Variants in CDH8 observed in about 807,000 individuals in gnomAD.
CDH8 encodes the protein cadherin 8, also known as cadherin-8.
CDH8 carries 17 observed loss-of-function variants against 68.1 expected under a neutral mutation model. The ratio of observed to expected loss-of-function variants is 0.25; its 90% CI spans 0.17 to 0.37. The LOEUF (loss-of-function observed/expected upper bound fraction) is 0.37, where lower values mean the gene tolerates loss of function less well. Ranked by LOEUF, CDH8 falls within the 10% of genes least tolerant of loss-of-function variation. CDH8 has a pLI of 1.00. For missense variants in CDH8, 763 were observed against 999.3 expected (o/e 0.76, Z 3.19); for synonymous variants, 372 against 365.1 (o/e 1.02, Z -0.21).
At chr16:61,793,103 T>C (rs1359882302) in intron 7 of CDH8, among the ~76,000 whole-genome samples, 1 of 151,936 alleles carries the variant, frequency 6.6e-6, no homozygotes, top group East Asian at 1.9e-4. Context: ...CCCAGGGATC[T>C]AGCAAGCCCC....
At chr16:61,661,113 A>T (rs1319612114) in intron 10 of CDH8, among the ~76,000 whole-genome samples, 1 of 152,054 alleles carries the variant, frequency 6.6e-6, no homozygotes, top group African/African-American at 2.4e-5. Flanking sequence ...TCAGCATAAA[A>T]TATCTATTTT....
chr16:61,979,321 T>C (rs1318776288), intron 2 of CDH8, among the ~76,000 whole-genome samples: 5 of 152,212 alleles, frequency 3.3e-5, no homozygotes, highest in African/African-American at 9.6e-5. Context: ...CAGTTCCAGA[T>C]AGAGTTTGTC....
chr16:62,029,834 G>A (rs73568789), intron 1 of CDH8, among the ~76,000 whole-genome samples: 1,705 of 152,274 alleles, frequency 0.011, 19 homozygotes, highest in African/African-American at 0.03. Context: ...GATAATGCTC[G>A]TCAGAGATTG....
In CDH8 at chr16:61,647,698, A is replaced by G. The variant is rs1963234986; in HGVS notation, c.*5910T>C. ...TGTTAAAATTTTCCTCTTATTTTTG[A>G]GGAATCATAGGATGGCCTGAAGTTC... On this transcript the variant is annotated 3_prime_UTR_variant, in exon 12 of 12. Coordinates refer to ENST00000577390, the MANE Select transcript of CDH8 (RefSeq NM_001796.5). 3.1e-6 allele frequency: 2 copies of G among 647,874 alleles called. No individual in the cohort carries two copies. Among genetic ancestry groups the G allele is most frequent in the South Asian group, 3.4e-5 (2 of 58,700 alleles). The allele number at this position is 647,874 out of a possible 1,614,324, so 40.1% of individuals were successfully genotyped here.
intron 8 of CDH8, among the ~76,000 whole-genome samples, chr16:61,768,398 T>TCTCTCTCTCTCTCTCTCTCTC (rs1960684849): frequency 2.8e-5 from 1 of 35,202 alleles, no homozygotes; most frequent in Admixed American, 3.7e-4. Context: ...CTCTCTCCCT[T>TCTCTCTCTCTCTCTCTCTCTC]TCTCTCTCTC....
At chr16:62,000,202 T>G (rs1163798243) in intron 2 of CDH8, among the ~76,000 whole-genome samples, 1 of 152,228 alleles carries the variant, frequency 6.6e-6, no homozygotes, top group Non-Finnish European at 1.5e-5. Flanking sequence ...AGTCTATCAT[T>G]GATAAGCATT....
At chr16:61,688,824 A>G (rs1964157100) in intron 10 of CDH8, among the ~76,000 whole-genome samples, 1 of 151,982 alleles carries the variant, frequency 6.6e-6, no homozygotes, top group East Asian at 1.9e-4. Flanking sequence ...AGTGGTCTTT[A>G]TGATCTTCAA....
intron 10 of CDH8, among the ~76,000 whole-genome samples, chr16:61,711,868 AAAC>A (rs1964637729): frequency 6.6e-6 from 1 of 151,742 alleles, no homozygotes; most frequent in African/African-American, 2.4e-5. Flanking sequence ...GTCCCAGTAG[AAAC>A]AATAAATTAC....
intron 10 of CDH8, among the ~76,000 whole-genome samples, chr16:61,678,896 C>T (rs921986986): frequency 1.2e-4 from 19 of 152,126 alleles, no homozygotes; most frequent in Admixed American, 1.2e-3. Flanking sequence ...AACTGATGTT[C>T]ATTGACTTAG....
intron 2 of CDH8, chr16:61,934,353 G>C: frequency 6.6e-6 from 1 of 152,130 alleles, no homozygotes; most frequent in Non-Finnish European, 1.5e-5. Context: ...GCCTCTGAGA[G>C]GCCTTGGGTA....
intron 2 of CDH8, among the ~76,000 whole-genome samples, chr16:61,980,017 A>G (rs1597105288): frequency 6.6e-6 from 1 of 152,312 alleles, no homozygotes; most frequent in East Asian, 1.9e-4. Context: ...GACAATCAGA[A>G]AGTAGGAACT....
At chr16:62,027,070 C>G (rs1902213920) in intron 1 of CDH8, among the ~76,000 whole-genome samples, 1 of 152,164 alleles carries the variant, frequency 6.6e-6, no homozygotes, top group Admixed American at 6.5e-5. Flanking sequence ...TCTGACAAAG[C>G]AATCTACTTT....
At chr16:61,708,023 A>G (rs1241832973) in intron 10 of CDH8, among the ~76,000 whole-genome samples, 4 of 152,174 alleles carry the variant, frequency 2.6e-5, no homozygotes, top group Admixed American at 6.6e-5. Context: ...ATTATTTTAT[A>G]TAATGATTTG....
chr16:62,032,595 C>T (rs2097195801), intron 1 of CDH8, among the ~76,000 whole-genome samples: 1 of 152,164 alleles, frequency 6.6e-6, no homozygotes, highest in Non-Finnish European at 1.5e-5. Context: ...TTCAGCAGCA[C>T]CACTGAGCAG....
intron 7 of CDH8, among the ~76,000 whole-genome samples, chr16:61,800,347 T>A (rs941837284): frequency 2.0e-5 from 3 of 152,184 alleles, no homozygotes; most frequent in African/African-American, 7.2e-5. Flanking sequence ...AAATGCAAGA[T>A]CATGTATTTG....
At chr16:61,890,016 A>T (rs1597044921) in intron 3 of CDH8, among the ~76,000 whole-genome samples, 1 of 152,196 alleles carries the variant, frequency 6.6e-6, no homozygotes, top group East Asian at 1.9e-4. Context: ...CATTACTTGA[A>T]TAGAAAGTGG....
At chr16:62,025,980 A>G (rs1169166101) in intron 1 of CDH8, among the ~76,000 whole-genome samples, 1 of 152,148 alleles carries the variant, frequency 6.6e-6, no homozygotes, top group Admixed American at 6.5e-5. Flanking sequence ...TTTTTACTAA[A>G]CCAGACACTG....
chr16:61,714,525 G>A (rs112914511), intron 9 of CDH8, among the ~76,000 whole-genome samples: 3 of 151,552 alleles, frequency 2.0e-5, no homozygotes, highest in African/African-American at 7.3e-5. Context: ...TGCAAACAAT[G>A]CTTTGGAGTG....
rs958376398 is a variant in CDH8 at position 61,746,337 on chromosome 16, C to A, written c.1415-19122G>T. On this transcript the variant is annotated intron_variant, in intron 8 of 11. Transcript: ENST00000577390. ...CACTGATTTCCATGTGGTCTCTATG[C>A]CCTGTGAGTTGAATCAGTTAAACTC... is the stretch of plus-strand genomic sequence containing the variant. 9.9e-5 allele frequency among the ~76,000 whole-genome samples: 15 copies of A among 152,082 alleles called. No homozygotes were observed. The South Asian group carries it at 1.2e-3, about 13-fold the overall frequency.
Sources: allele counts gnomAD v4.1 joint callset (sites outside exome capture counted in the v4.1 genomes callset), GRCh38; gene constraint gnomAD v4.1.1; transcripts MANE v1.5; gene names NCBI Gene and HGNC (gene_info 2026-07-23, HGNC 2026-07-21).